Variants in PLCG1 observed in about 807,000 individuals in gnomAD.
PLCG1 encodes the protein 1-phosphatidylinositol 4,5-bisphosphate phosphodiesterase gamma-1.
Under a neutral mutation model 177.8 loss-of-function variants are expected in PLCG1, and 71 were observed. The observed-to-expected ratio is 0.40, with a 90% CI of 0.33 to 0.49. PLCG1 has a LOEUF of 0.49. Among genes scored for constraint, PLCG1 ranks in the 20% least tolerant of loss-of-function variants. The probability of loss-of-function intolerance (pLI) is 0.72; values close to 1 mark genes in which losing one functional copy is unlikely to be tolerated. For synonymous variants in PLCG1, 658 were observed against 647.9 expected, an observed-to-expected ratio of 1.02 and a Z score of -0.24; for missense variants, 1,281 against 1,709.0, an observed-to-expected ratio of 0.75 and a Z score of 4.42.
In PLCG1 at chr20:41,147,093, C is replaced by T. The variant is rs946355576; in HGVS notation, c.217+9235C>T. On this transcript the variant is annotated intron_variant, in intron 1 of 31. Transcript: ENST00000685551. The surrounding 1 kb of genome is among the most constrained non-coding windows in gnomAD (Gnocchi z 4.0). ...GGTCACCCTATTCTGCCTGATAGTCCACCACCTGTTTGGAGGCAGCTCCCC... is the reference window on the plus strand; with the variant it reads ...GGTCACCCTATTCTGCCTGATAGTCTACCACCTGTTTGGAGGCAGCTCCCC... 6.6e-6 allele frequency among the ~76,000 whole-genome samples: 1 copy of T among 151,598 alleles called. No individual in the cohort carries two copies. The highest frequency in any genetic ancestry group is 1.5e-5 in the Non-Finnish European group (1 of 68,030).
At chr20:41,168,921 G>T in intron 21 of PLCG1, 51 bp downstream of exon 21, 1 of 1,344,818 alleles carries the variant, frequency 7.4e-7, no homozygotes, top group East Asian at 2.3e-5. Flanking sequence ...AGTGGAGCTG[G>T]GGCCCCAAAG....
In PLCG1 at chr20:41,162,235, G is replaced by GTTTTTTTTT. The variant is rs11426520; in HGVS notation, c.513-205_513-197dup. Reference sequence around the variant, plus strand: ...GGTTTTTTTTGTTTGTTTTGTTTTTGTTTTTTTTTTTTTTTTTTTTGCTCA... The same window carrying GTTTTTTTTT: ...GGTTTTTTTTGTTTGTTTTGTTTTTGTTTTTTTTTTTTTTTTTTTTTTTTTTTTTGCTCA... On this transcript the variant is annotated intron_variant, in intron 4 of 31. Transcript: ENST00000685551. The GTTTTTTTTT allele has an allele frequency of 3.7e-4, 53 of 143,642 alleles. 2 individuals carry two copies. Among genetic ancestry groups the GTTTTTTTTT allele is most frequent in the East Asian group, 1.2e-3 (6 of 4,810 alleles). 8.9% of individuals were successfully genotyped at this position (143,642 alleles called of 1,614,324 possible).
chr20:41,171,538 G>A (rs540055060), intron 24 of PLCG1, among the ~76,000 whole-genome samples: 1 of 132,114 alleles, frequency 7.6e-6, no homozygotes, highest in South Asian at 2.5e-4. Flanking sequence ...AGTGAGCCGA[G>A]ATCACGCCAC....
rs2035215101 is a variant in PLCG1 at position 41,153,069 on chromosome 20, G to A, written c.218-6537G>A. Among the ~76,000 whole-genome samples the A allele has an allele frequency of 6.6e-6, 1 of 152,190 alleles. No homozygotes were observed. Among genetic ancestry groups the A allele is most frequent in the African/African-American group, 2.4e-5 (1 of 41,436 alleles). On this transcript the variant is annotated intron_variant, in intron 1 of 31. Coordinates refer to ENST00000685551, the MANE Select transcript of PLCG1 (RefSeq NM_002660.3). This position sits in a 1 kb window ranked among gnomAD's most constrained non-coding sequence, Gnocchi z 5.1. ...TGGGGTCCACAGGCCACAGGTGGGG[G>A]TAGTAAAAACCCCCAGAAGGGAAGG... is the stretch of plus-strand genomic sequence containing the variant.
chr20:41,165,966 A>G lies in PLCG1; in HGVS notation c.1799+140A>G. Reference sequence around the variant, plus strand: ...TTACATGGAACATAATTTCACCTACATACACACACACACTCTCTGTCTCAC... The same window carrying G: ...TTACATGGAACATAATTTCACCTACGTACACACACACACTCTCTGTCTCAC... On this transcript the variant is annotated intron_variant, in intron 16 of 31. Coordinates refer to ENST00000685551, the MANE Select transcript of PLCG1 (RefSeq NM_002660.3). This position sits in a 1 kb window ranked among gnomAD's most constrained non-coding sequence, Gnocchi z 6.6. 1.4e-6 allele frequency: 1 copy of G among 719,688 alleles called. No homozygotes were observed. 44.6% of individuals were successfully genotyped at this position (719,688 alleles called of 1,614,324 possible). A position where few individuals can be genotyped will look rare whatever the true frequency, so the allele number is the denominator to read the frequency against.
Position 41,174,098 on chromosome 20 carries a change from C to T in PLCG1, c.3646-26C>T, listed in dbSNP as rs551576808. 2.0e-5 allele frequency: 32 copies of T among 1,612,226 alleles called. No homozygotes were observed. In the South Asian group the frequency reaches 3.5e-4, roughly 18 times the overall value. On this transcript the variant is annotated intron_variant, in intron 30 of 31. Coordinates refer to ENST00000685551, the MANE Select transcript of PLCG1 (RefSeq NM_002660.3). This position sits in a 1 kb window ranked among gnomAD's most constrained non-coding sequence, Gnocchi z 5.8. Reference sequence around the variant, plus strand: ...TAGAAGTGCAGAGGAGTCATTGACCCTCTTGTGCACCTGGCTTCGTTGAAG... The same window carrying T: ...TAGAAGTGCAGAGGAGTCATTGACCTTCTTGTGCACCTGGCTTCGTTGAAG...
Position 41,173,536 on chromosome 20 carries a change from TCAGTCTGTCTTCC to T in PLCG1, c.3394+8_3394+20del, listed in dbSNP as rs758265601. ...CCAAGCAGAAGACAGAGTTTGTGGG[TCAGTCTGTCTTCC>T]CAGTCATCCTCCTCATCCTGCTGGG... is the stretch of plus-strand genomic sequence containing the variant. On this transcript the variant is annotated splice_donor_5th_base_variant and intron_variant, in intron 28 of 31. Transcript: ENST00000685551. The surrounding 1 kb of genome is among the most constrained non-coding windows in gnomAD (Gnocchi z 6.2). 35 of 1,613,560 alleles carry T rather than the reference TCAGTCTGTCTTCC, an allele frequency of 2.2e-5. No individual in the cohort carries two copies. Among genetic ancestry groups the T allele is most frequent in the Non-Finnish European group, 3.0e-5 (35 of 1,179,902 alleles).
chr20:41,154,074 C>T (rs1273010489), intron 1 of PLCG1, among the ~76,000 whole-genome samples: 1 of 152,126 alleles, frequency 6.6e-6, no homozygotes, highest in Non-Finnish European at 1.5e-5. Context: ...CACTGTAGTC[C>T]AATGAAGGAG....
chr20:41,170,062 G>T (rs2035842369), intron 23 of PLCG1, 50 bp from the exon 24 acceptor site: 2 of 1,532,070 alleles, frequency 1.3e-6, no homozygotes, highest in African/African-American at 2.7e-5. Flanking sequence ...GAGTGGGGTG[G>T]AGGGGGTGAG....
Position 41,169,461 on chromosome 20 carries a change from T to G in PLCG1, c.2585T>G (p.Leu862Trp). 4 of 1,613,244 alleles carry G rather than the reference T, an allele frequency of 2.5e-6. No individual in the cohort carries two copies. The highest frequency in any genetic ancestry group is 3.4e-6 in the Non-Finnish European group (4 of 1,179,278). The change falls in exon 23 of 32, where the codon TTG (leucine) becomes TGG (tryptophan). Residue 862 changes from leucine (L) to tryptophan (W), a missense_variant. Transcript: ENST00000685551. ...PVALEPEREH[L>W]DENSPLGDLL... The stretch of plus-strand genomic sequence containing the variant: ...GGTGGGCTTTGCTTCCCACAGCACT[T>G]GGACGAGAACAGCCCCCTAGGGGAC...
rs1054779958 is a variant in PLCG1, at chr20:41,157,607, C to T, written c.218-1999C>T. 1.3e-5 allele frequency among the ~76,000 whole-genome samples: 2 copies of T among 152,122 alleles called. No individual in the cohort carries two copies. Among genetic ancestry groups the T allele is most frequent in the South Asian group, 2.1e-4 (1 of 4,818 alleles). ...CCTTAGGTATGTGAGCATGTATGTACGTGTTTGTATGCACGAGGCATCAAG... is the reference window on the plus strand; with the variant it reads ...CCTTAGGTATGTGAGCATGTATGTATGTGTTTGTATGCACGAGGCATCAAG... On this transcript the variant is annotated intron_variant, in intron 1 of 31. Transcript: ENST00000685551. This position sits in a 1 kb window ranked among gnomAD's most constrained non-coding sequence, Gnocchi z 5.4.
Position 41,175,885 on chromosome 20 carries a change from C to T in PLCG1, c.*1376C>T, listed in dbSNP as rs2036052238. The stretch of plus-strand genomic sequence containing the variant: ...AGCTGTAACCCCTCCTCTGGGCTAA[C>T]AGGAGTTGTGGGTCCACTCTCTCCT... On this transcript the variant is annotated 3_prime_UTR_variant, in exon 32 of 32. Transcript: ENST00000685551. 6.6e-6 allele frequency: 1 copy of T among 152,458 alleles called. No individual in the cohort carries two copies. The highest frequency in any genetic ancestry group is 6.5e-5 in the Admixed American group (1 of 15,282). The allele number at this position is 152,458 out of a possible 1,614,324, so 9.4% of individuals were successfully genotyped here. A position where few individuals can be genotyped will look rare whatever the true frequency, so the allele number is the denominator to read the frequency against.
chr20:41,166,804 A>G lies in PLCG1; in HGVS notation c.2246A>G (p.Lys749Arg), dbSNP rs763022833. Residue 749 changes from lysine to arginine, a missense_variant, in exon 19 of 32, where the codon AAG becomes AGG. Physicochemically the swap from Lys to Arg is conservative, Grantham distance 26 (BLOSUM62 2). Around this residue, in one of 4 missense-constraint regions of PLCG1, gnomAD observed 723 missense variants for 1,030.0 expected, o/e 0.70. Coordinates refer to ENST00000685551, the MANE Select transcript of PLCG1 (RefSeq NM_002660.3). This position sits in a 1 kb window ranked among gnomAD's most constrained non-coding sequence, Gnocchi z 8.6. ...SYYEKHPLYR[K>R]MKLRYPINEE... ...TATGAGAAACACCCGCTATACCGCA[A>G]GATGAAGCTGCGCTATCCCATCAAC... 20 of 1,614,080 alleles carry G rather than the reference A, an allele frequency of 1.2e-5. No individual in the cohort carries two copies. Among genetic ancestry groups the G allele is most frequent in the Non-Finnish European group, 9.3e-6 (11 of 1,180,040 alleles).
Position 41,176,063 on chromosome 20 carries a change from A to G in PLCG1, c.*1554A>G, listed in dbSNP as rs1228275270. ...AAAATGTTGCATTCAGTTCGTTAAC[A>G]CTGCCAGGTGCCATTCTGATTGCCT... On this transcript the variant is annotated 3_prime_UTR_variant, in exon 32 of 32. Coordinates refer to ENST00000685551, the MANE Select transcript of PLCG1 (RefSeq NM_002660.3). 4 of 152,138 alleles carry G rather than the reference A, an allele frequency of 2.6e-5. No homozygotes were observed. Among genetic ancestry groups the G allele is most frequent in the Admixed American group, 2.6e-4 (4 of 15,276 alleles). 9.4% of individuals were successfully genotyped at this position (152,138 alleles called of 1,614,324 possible).
Position 41,165,065 on chromosome 20 carries a change from C to T in PLCG1, c.1350C>T (p.Pro450=), listed in dbSNP as rs753994778. Residue 450 remains proline (P), a synonymous_variant, in exon 13 of 32, where the codon CCC becomes CCT. Transcript: ENST00000685551. This position sits in a 1 kb window ranked among gnomAD's most constrained non-coding sequence, Gnocchi z 6.6. ...KPVEISADGL[P]SPNQLKRKIL... Reference sequence around the variant, plus strand: ...TGGAGATCTCTGCCGACGGGCTCCCCTCACCCAACCAGCTTAAGAGGAAGA... The same window carrying T: ...TGGAGATCTCTGCCGACGGGCTCCCTTCACCCAACCAGCTTAAGAGGAAGA... The T allele has an allele frequency of 2.5e-6, 4 of 1,609,710 alleles. No homozygotes were observed. Among genetic ancestry groups the T allele is most frequent in the Admixed American group, 1.7e-5 (1 of 59,454 alleles).
rs1427263293 is a variant in PLCG1 at position 41,174,485 on chromosome 20, G to A, written c.3852G>A (p.Arg1284=). 6.3e-7 allele frequency: 1 copy of A among 1,585,464 alleles called. No individual in the cohort carries two copies. Among genetic ancestry groups the A allele is most frequent in the South Asian group, 1.1e-5 (1 of 87,724 alleles). ...TGTCCAGGGCCCCAAGAAGGACTCG[G>A]GTCAATGGAGACAACCGCCTCTAGT... The part of the protein sequence containing the change: ...SRERRAPRRT[R]VNGDNRL Residue 1284 remains arginine (R), a synonymous_variant, in exon 32 of 32, where the codon CGG becomes CGA. Coordinates refer to ENST00000685551, the MANE Select transcript of PLCG1 (RefSeq NM_002660.3). This position sits in a 1 kb window ranked among gnomAD's most constrained non-coding sequence, Gnocchi z 5.8.
rs774703045 is a variant in PLCG1, at chr20:41,174,263, G to A, written c.3785G>A (p.Arg1262His). Residue 1262 changes from arginine to histidine, a missense_variant, in exon 31 of 32, where the codon CGC (arginine) becomes CAC (histidine). Arg to His is a conservative substitution (Grantham distance 29). Around this residue, in one of 4 missense-constraint regions of PLCG1, gnomAD observed 153 missense variants for 153.2 expected, o/e 1.00. Transcript: ENST00000685551. This position sits in a 1 kb window ranked among gnomAD's most constrained non-coding sequence, Gnocchi z 5.8. ...SRYQQPFEDF[R>H]ISQEHLADHF... ...TACCAGCAGCCGTTTGAGGACTTCC[G>A]CATCTCCCAGGAGCATCTCGCAGAC... is the stretch of plus-strand genomic sequence containing the variant. 28 of 1,614,048 alleles carry A rather than the reference G, an allele frequency of 1.7e-5. No individual in the cohort carries two copies. In the East Asian group the frequency reaches 2.4e-4, roughly 14 times the overall value.
chr20:41,159,596 AC>A lies in PLCG1; in HGVS notation c.218-8del. On this transcript the variant is annotated splice_polypyrimidine_tract_variant and intron_variant, in intron 1 of 31. Coordinates refer to ENST00000685551, the MANE Select transcript of PLCG1 (RefSeq NM_002660.3). This position sits in a 1 kb window ranked among gnomAD's most constrained non-coding sequence, Gnocchi z 6.0. ...CCAGCTTGATCTTGGCCTCTTTGCT[AC>A]CTTCCTAGTTGACATTCGTGAAATT... The A allele has an allele frequency of 6.2e-7, 1 of 1,613,280 alleles. No individual in the cohort carries two copies. The highest frequency in any genetic ancestry group is 8.5e-7 in the Non-Finnish European group (1 of 1,179,660).
intron 23 of PLCG1, 66 bp downstream of exon 23, chr20:41,169,592 C>A: frequency 7.8e-7 from 1 of 1,282,670 alleles, no homozygotes; most frequent in Non-Finnish European, 1.1e-6. Context: ...GTATCTCTTT[C>A]CTGCTCCTAG....
Sources: gnomAD v4.1 joint callset for allele counts (sites outside exome capture counted in the v4.1 genomes callset) on GRCh38, gnomAD v4.1.1 for gene constraint, gnomAD v4.1.1 regional missense constraint, Gnocchi (gnomAD v3.1) non-coding constraint, MANE v1.5 for transcripts, NCBI Gene and HGNC (gene_info 2026-07-23, HGNC 2026-07-21) for gene names.